CRCP: variants seen among roughly 807,000 people sequenced by gnomAD.
CRCP encodes the protein DNA-directed RNA polymerase III subunit RPC9.
In CRCP, 18 loss-of-function variants were observed where a neutral mutation model predicts 18.5. The ratio of observed to expected loss-of-function variants is 0.97; its 90% CI spans 0.67 to 1.44. The LOEUF (loss-of-function observed/expected upper bound fraction) is 1.44, where lower values mean the gene tolerates loss of function less well. Among genes scored for constraint, CRCP ranks in the 40% most tolerant of loss-of-function variants. CRCP has a pLI of 0.00. For missense variants in CRCP, 130 were observed against 176.4 expected, an observed-to-expected ratio of 0.74 and a Z score of 1.49; for synonymous variants, 53 against 62.9, an observed-to-expected ratio of 0.84 and a Z score of 0.75.
chr7:66,149,133 A>G (rs1202144198), intron 5 of CRCP, among the ~76,000 whole-genome samples: 4 of 152,262 alleles, frequency 2.6e-5, no homozygotes, highest in Non-Finnish European at 5.9e-5. Flanking sequence ...ATTTCCCCTT[A>G]TGTTCTCAAC....
At chr7:66,143,219 C>T (rs1453065133) in intron 4 of CRCP, among the ~76,000 whole-genome samples, 1 of 152,184 alleles carries the variant, frequency 6.6e-6, no homozygotes, top group East Asian at 1.9e-4. Context: ...CACTCTCACT[C>T]ACCCAGGGGG....
At chr7:66,115,023 C>G (rs1190954644) in intron 1 of CRCP, 53 bp downstream of exon 1, 33 of 1,589,288 alleles carry the variant, frequency 2.1e-5, no homozygotes, top group Non-Finnish European at 2.7e-5. Context: ...ACGGTTTGAC[C>G]GCTGAGAGCT....
In CRCP at chr7:66,126,704, A is replaced by G. The variant is rs1467562956; in HGVS notation, c.9-1000A>G. ...AAAATTTGTTGTCTCATTTTATCAT[A>G]ACAGTTTGATGAGGTAGGAGTTGCT... On this transcript the variant is annotated intron_variant, in intron 1 of 5. Transcript: ENST00000395326. 2 of 408,782 alleles carry G rather than the reference A, an allele frequency of 4.9e-6. 1 individual carries two copies. Among genetic ancestry groups the G allele is most frequent in the Non-Finnish European group, 9.8e-6 (2 of 204,540 alleles). 25.3% of individuals were successfully genotyped at this position (408,782 alleles called of 1,614,324 possible).
intron 4 of CRCP, among the ~76,000 whole-genome samples, chr7:66,143,632 A>G (rs1788202808): frequency 6.6e-6 from 1 of 152,196 alleles, no homozygotes; most frequent in Admixed American, 6.5e-5. Flanking sequence ...AACTGCCCTA[A>G]TAATGACTGC....
At chr7:66,122,009 A>G (rs1787456584) in intron 1 of CRCP, among the ~76,000 whole-genome samples, 1 of 152,164 alleles carries the variant, frequency 6.6e-6, no homozygotes, top group South Asian at 2.1e-4. Context: ...TTGATAGCAT[A>G]GGTTGGGCAT....
chr7:66,142,792 T>TAAATG (rs2116012069), intron 4 of CRCP, among the ~76,000 whole-genome samples: 2 of 152,310 alleles, frequency 1.3e-5, no homozygotes, highest in East Asian at 3.9e-4. Flanking sequence ...CCACCGTGCC[T>TAAATG]GGCTTCTCCT....
intron 1 of CRCP, among the ~76,000 whole-genome samples, chr7:66,125,061 TA>T (rs1787580181): frequency 6.7e-6 from 1 of 149,466 alleles, no homozygotes; most frequent in Admixed American, 6.7e-5. Context: ...TTGAAGAGTC[TA>T]AATTTAACCC....
intron 4 of CRCP, among the ~76,000 whole-genome samples, chr7:66,135,474 T>G (rs1006942109): frequency 1.3e-5 from 2 of 152,260 alleles, no homozygotes; most frequent in African/African-American, 4.8e-5. Flanking sequence ...CTGGTTTGAA[T>G]GGGTAAATGC....
chr7:66,134,332 T>C lies in CRCP; in HGVS notation c.197T>C (p.Val66Ala). ...TGCAGGCACCAGAGTCCTGAAATTGTCAGAGAATTTCTCACAGCATTGAAA... is the reference window on the plus strand; with the variant it reads ...TGCAGGCACCAGAGTCCTGAAATTGCCAGAGAATTTCTCACAGCATTGAAA... ...TPCRHQSPEIVREFLTALKSH... is the reference protein window; with the variant it reads ...TPCRHQSPEIAREFLTALKSH... The change falls in exon 4 of 6, where the codon GTC (valine) becomes GCC (alanine). Residue 66 changes from valine to alanine, a missense_variant. Transcript: ENST00000395326. 3 of 1,611,952 alleles carry C rather than the reference T, an allele frequency of 1.9e-6. No homozygotes were observed. Among genetic ancestry groups the C allele is most frequent in the Non-Finnish European group, 2.5e-6 (3 of 1,179,480 alleles).
chr7:66,152,267 C>A lies in CRCP; in HGVS notation c.357C>A (p.Thr119=). ...AGCAGATTGAAGCTCTTCTCCACACCGTCACCAGCATTCTGCCTGCAGAGC... is the reference window on the plus strand; with the variant it reads ...AGCAGATTGAAGCTCTTCTCCACACAGTCACCAGCATTCTGCCTGCAGAGC... ...TEEQIEALLH[T]VTSILPAEPE... The change falls in exon 6 of 6, where the codon ACC becomes ACA. Residue 119 remains threonine (T), a synonymous_variant. Transcript: ENST00000395326. 6.2e-7 allele frequency: 1 copy of A among 1,614,004 alleles called. No individual in the cohort carries two copies. Among genetic ancestry groups the A allele is most frequent in the Non-Finnish European group, 8.5e-7 (1 of 1,179,992 alleles).
intron 1 of CRCP, among the ~76,000 whole-genome samples, chr7:66,127,487 G>T (rs529803224): frequency 9.2e-5 from 14 of 152,312 alleles, no homozygotes; most frequent in Middle Eastern, 6.8e-3. Context: ...ACATGGCTGT[G>T]GGATGGGACA....
intron 1 of CRCP, among the ~76,000 whole-genome samples, chr7:66,120,042 C>T (rs556395355): frequency 1.2e-4 from 18 of 152,012 alleles, no homozygotes; most frequent in African/African-American, 4.3e-4. Context: ...ATTAGCTGGG[C>T]GCTGTGGCGG....
chr7:66,154,317 C>G lies in CRCP; in HGVS notation c.*1960C>G, dbSNP rs1015492356. On this transcript the variant is annotated 3_prime_UTR_variant, in exon 6 of 6. Transcript: ENST00000395326. ...TAGCCTCCTGAGTAGCTGGGACTTA[C>G]AGGCACGTACCACTATACCCTGCTA... The G allele has an allele frequency of 6.6e-6, 1 of 151,600 alleles. No individual in the cohort carries two copies. The highest frequency in any genetic ancestry group is 1.5e-5 in the Non-Finnish European group (1 of 67,958). The allele number at this position is 151,600 out of a possible 1,614,324, so 9.4% of individuals were successfully genotyped here. A position where few individuals can be genotyped will look rare whatever the true frequency, so the allele number is the denominator to read the frequency against.
At chr7:66,126,785 C>T in intron 1 of CRCP, 2 of 309,106 alleles carry the variant, frequency 6.5e-6, no homozygotes, top group Middle Eastern at 1.1e-3. Flanking sequence ...GCTTATTGAG[C>T]ACTTACTATG....
At chr7:66,135,383 TGAAAG>T (rs1051181896) in intron 4 of CRCP, among the ~76,000 whole-genome samples, 9 of 152,216 alleles carry the variant, frequency 5.9e-5, no homozygotes, top group African/African-American at 2.2e-4. Flanking sequence ...TAAATTGTTT[TGAAAG>T]GAAGGAAATG....
chr7:66,130,226 C>T (rs1787756720), intron 2 of CRCP: 1 of 247,314 alleles, frequency 4.0e-6, no homozygotes, highest in African/African-American at 2.4e-5. Flanking sequence ...CTGCCTCAGC[C>T]TCCCGAGTAG....
At chr7:66,116,341 A>T (rs1052536646) in intron 1 of CRCP, among the ~76,000 whole-genome samples, 30 of 151,912 alleles carry the variant, frequency 2.0e-4, no homozygotes, top group African/African-American at 7.2e-4. Context: ...CAAAAAATTA[A>T]GAAGTTAGCT....
intron 1 of CRCP, among the ~76,000 whole-genome samples, chr7:66,119,024 ATCTC>A (rs1787355445): frequency 6.6e-6 from 1 of 152,076 alleles, no homozygotes; most frequent in Admixed American, 6.6e-5. Context: ...TCTCTGACCT[ATCTC>A]GTCTGATTGT....
intron 1 of CRCP, among the ~76,000 whole-genome samples, chr7:66,119,284 G>A (rs1787362704): frequency 6.6e-6 from 1 of 152,194 alleles, no homozygotes; most frequent in Admixed American, 6.5e-5. Flanking sequence ...GTATGCCTGG[G>A]GAGGGCATAG....
Sources: allele counts gnomAD v4.1 joint callset (sites outside exome capture counted in the v4.1 genomes callset), GRCh38; gene constraint gnomAD v4.1.1; transcripts MANE v1.5; gene names NCBI Gene and HGNC (gene_info 2026-07-23, HGNC 2026-07-21).